ADGRB3: variants seen among roughly 807,000 people sequenced by gnomAD.
ADGRB3 encodes brain-specific angiogenesis inhibitor 3.
Under a neutral mutation model 193.4 loss-of-function variants are expected in ADGRB3, and 37 were observed. The observed-to-expected ratio is 0.19, with a 90% CI of 0.15 to 0.25. The LOEUF is 0.25. Among genes scored for constraint, ADGRB3 ranks in the 10% least tolerant of loss-of-function variants. ADGRB3 has a pLI of 1.00. For synonymous variants in ADGRB3, 690 were observed against 644.2 expected (o/e 1.07, Z -1.08); for missense variants, 1,637 against 1,852.9 (o/e 0.88, Z 2.14).
intron 16 of ADGRB3, among the ~76,000 whole-genome samples, chr6:69,072,751 T>C (rs533672352): frequency 6.6e-6 from 1 of 152,326 alleles, no homozygotes; most frequent in African/African-American, 2.4e-5. Context: ...ACTGTGATGT[T>C]ACAAGGATAA....
chr6:68,774,893 C>T (rs1766708620), intron 3 of ADGRB3, among the ~76,000 whole-genome samples: 1 of 151,976 alleles, frequency 6.6e-6, no homozygotes, highest in Admixed American at 6.6e-5. Context: ...TGTATTTCAG[C>T]CACTATGCAG....
chr6:68,750,041 G>GA (rs1168970666), intron 3 of ADGRB3, among the ~76,000 whole-genome samples: 2 of 151,944 alleles, frequency 1.3e-5, no homozygotes, highest in African/African-American at 2.4e-5. Flanking sequence ...CTTGATAATT[G>GA]AAAAAAATAC....
intron 3 of ADGRB3, among the ~76,000 whole-genome samples, chr6:68,886,798 G>T (rs1765920306): frequency 2.0e-5 from 3 of 151,880 alleles, no homozygotes; most frequent in African/African-American, 4.8e-5. Flanking sequence ...TTATGGAAAT[G>T]AGATTTTATG....
At chr6:68,753,615 A>G (rs1766243677) in intron 3 of ADGRB3, among the ~76,000 whole-genome samples, 1 of 152,156 alleles carries the variant, frequency 6.6e-6, no homozygotes, top group African/African-American at 2.4e-5. Context: ...GTTCTTTAAT[A>G]GAGAGGGGCA....
intron 3 of ADGRB3, among the ~76,000 whole-genome samples, chr6:68,685,214 G>A (rs1311938297): frequency 6.6e-6 from 1 of 151,878 alleles, no homozygotes; most frequent in Non-Finnish European, 1.5e-5. Flanking sequence ...AATAAAAGAG[G>A]TTAAAACTAC....
chr6:69,265,876 C>G (rs573659734), intron 20 of ADGRB3, among the ~76,000 whole-genome samples: 1 of 151,952 alleles, frequency 6.6e-6, no homozygotes, highest in Non-Finnish European at 1.5e-5. Flanking sequence ...AGACAAATGA[C>G]TCTTTCAAGG....
chr6:68,748,495 C>A (rs1179579549), intron 3 of ADGRB3, among the ~76,000 whole-genome samples: 1 of 152,202 alleles, frequency 6.6e-6, no homozygotes, highest in East Asian at 1.9e-4. Flanking sequence ...AAAACAATCT[C>A]CATTGAGTCC....
chr6:68,885,622 C>A (rs766287898), intron 3 of ADGRB3, among the ~76,000 whole-genome samples: 1 of 152,084 alleles, frequency 6.6e-6, no homozygotes, highest in Non-Finnish European at 1.5e-5. Context: ...AAGTGTTGAA[C>A]TCATGGAAGT....
intron 6 of ADGRB3, among the ~76,000 whole-genome samples, chr6:68,944,603 G>A (rs557072245): frequency 1.3e-5 from 2 of 151,798 alleles, no homozygotes; most frequent in Admixed American, 6.6e-5. Context: ...CCTTTAAAAT[G>A]TTTCTATTCT....
At chr6:69,344,951 C>T (rs1436979908) in intron 26 of ADGRB3, among the ~76,000 whole-genome samples, 2 of 150,598 alleles carry the variant, frequency 1.3e-5, no homozygotes, top group African/African-American at 4.9e-5. Context: ...CCATATGAAG[C>T]ACATGGAGGC....
At chr6:69,114,457 C>T (rs574307606) in intron 17 of ADGRB3, among the ~76,000 whole-genome samples, 83 of 152,182 alleles carry the variant, frequency 5.5e-4, no homozygotes, top group African/African-American at 1.9e-3. Context: ...ATTCTATAGG[C>T]TGCCTGTTCA....
chr6:69,037,016 A>G (rs1770890885), intron 13 of ADGRB3, among the ~76,000 whole-genome samples: 1 of 152,302 alleles, frequency 6.6e-6, no homozygotes, highest in South Asian at 2.1e-4. Flanking sequence ...CAGTTGAGAG[A>G]TTCTGGTGGC....
intron 17 of ADGRB3, among the ~76,000 whole-genome samples, chr6:69,081,336 A>G (rs572326229): frequency 6.6e-6 from 1 of 152,142 alleles, no homozygotes; most frequent in Admixed American, 6.6e-5. Context: ...TGATCTCCAA[A>G]AAATGAAATT....
Position 69,018,396 on chromosome 6 carries a change from T to C in ADGRB3, c.2004T>C (p.Tyr668=), listed in dbSNP as rs1770159635. The C allele has an allele frequency of 2.5e-6, 4 of 1,590,784 alleles. No homozygotes were observed. Among genetic ancestry groups the C allele is most frequent in the South Asian group, 1.1e-5 (1 of 88,574 alleles). Residue 668 remains tyrosine (Y), a synonymous_variant, in exon 13 of 32, where the codon TAT becomes TAC. Transcript: ENST00000370598. ...ACCTTTGCTTATTTTTCTAGATTTA[T>C]CCAGGGTCAATAGAGTTAATGCAGG... The part of the protein sequence containing the change: ...KEKWEDAQQI[Y]PGSIELMQVI...
chr6:69,025,100 A>ATT, intron 13 of ADGRB3, among the ~76,000 whole-genome samples: 1 of 151,476 alleles, frequency 6.6e-6, no homozygotes, highest in South Asian at 2.1e-4. Context: ...TCAAAAAAAA[A>ATT]AAAAAAAAAT....
chr6:69,135,243 A>G (rs1379902700), intron 17 of ADGRB3, among the ~76,000 whole-genome samples: 1 of 151,974 alleles, frequency 6.6e-6, no homozygotes, highest in African/African-American at 2.4e-5. Context: ...TTCTTCTAGA[A>G]GCAGCCTAAC....
chr6:69,025,441 C>G (rs1040812431), intron 13 of ADGRB3, among the ~76,000 whole-genome samples: 2 of 151,782 alleles, frequency 1.3e-5, no homozygotes, highest in African/African-American at 4.8e-5. Flanking sequence ...TCACACATCC[C>G]CATCTCTTGT....
intron 8 of ADGRB3, among the ~76,000 whole-genome samples, chr6:68,974,018 ACTG>A (rs1170820654): frequency 3.3e-5 from 5 of 152,190 alleles, no homozygotes; most frequent in African/African-American, 9.6e-5. Context: ...GTATATTTTT[ACTG>A]CTATCATTGC....
chr6:68,836,735 C>T (rs1257551697), intron 3 of ADGRB3, among the ~76,000 whole-genome samples: 1 of 152,060 alleles, frequency 6.6e-6, no homozygotes, highest in South Asian at 2.1e-4. Flanking sequence ...AAACCTGTAA[C>T]CCCCAATACT....
Sources: allele counts gnomAD v4.1 joint callset (sites outside exome capture counted in the v4.1 genomes callset), GRCh38; gene constraint gnomAD v4.1.1; transcripts MANE v1.5; gene names NCBI Gene and HGNC (gene_info 2026-07-23, HGNC 2026-07-21).